Variants in UBE3D observed in about 807,000 individuals in gnomAD.
The protein encoded by UBE3D is E3 ubiquitin-protein ligase E3D.
Under a neutral mutation model 49.6 loss-of-function variants are expected in UBE3D, and 48 were observed. The observed-to-expected ratio is 0.97, with a 90% CI of 0.77 to 1.23. The LOEUF (loss-of-function observed/expected upper bound fraction) is 1.23. UBE3D is among the 50% of genes most tolerant of loss of function. The pLI, the probability that UBE3D is intolerant of heterozygous loss-of-function variation, is 0.00. For missense variants in UBE3D, 452 were observed against 468.4 expected, an observed-to-expected ratio of 0.96 and a Z score of 0.32; for synonymous variants, 189 against 174.2, an observed-to-expected ratio of 1.08 and a Z score of -0.67.
At chr6:82,921,898 T>C (rs1195341387) in intron 9 of UBE3D, among the ~76,000 whole-genome samples, 3 of 152,124 alleles carry the variant, frequency 2.0e-5, no homozygotes, top group Admixed American at 6.6e-5. Context: ...GAAGAATATA[T>C]AATATGTATA....
At chr6:82,894,279 ACTTT>A (rs1449765945) in intron 9 of UBE3D, among the ~76,000 whole-genome samples, 2 of 151,986 alleles carry the variant, frequency 1.3e-5, no homozygotes, top group Admixed American at 6.6e-5. Context: ...CAACCACCTG[ACTTT>A]CTTATCATAC....
At chr6:82,917,206 C>G (rs1490004025) in intron 9 of UBE3D, among the ~76,000 whole-genome samples, 1 of 151,932 alleles carries the variant, frequency 6.6e-6, no homozygotes, top group South Asian at 2.1e-4. Context: ...AGGAGCTCAA[C>G]TGGGAAGAAA....
intron 1 of UBE3D, among the ~76,000 whole-genome samples, chr6:83,059,368 A>T (rs1784020204): frequency 6.6e-6 from 1 of 152,220 alleles, no homozygotes; most frequent in African/African-American, 2.4e-5. Flanking sequence ...TGGGCGACAG[A>T]TCAAGAACCT....
intron 8 of UBE3D, among the ~76,000 whole-genome samples, chr6:82,975,515 C>T (rs1777652069): frequency 6.6e-6 from 1 of 151,988 alleles, no homozygotes; most frequent in East Asian, 1.9e-4. Flanking sequence ...TCAATTTTTT[C>T]TTGTATTGTT....
intron 9 of UBE3D, among the ~76,000 whole-genome samples, chr6:82,941,616 C>A (rs1775019749): frequency 6.6e-6 from 1 of 152,090 alleles, no homozygotes; most frequent in South Asian, 2.1e-4. Context: ...TGTCCCCACC[C>A]AAATCTCCCT....
chr6:82,995,084 T>C (rs1779145035), intron 8 of UBE3D, among the ~76,000 whole-genome samples: 1 of 151,714 alleles, frequency 6.6e-6, no homozygotes, highest in South Asian at 2.1e-4. Context: ...CAGGAAAAAG[T>C]ATAAATGAGA....
At chr6:83,001,740 A>T (rs541095785) in intron 8 of UBE3D, among the ~76,000 whole-genome samples, 1 of 152,330 alleles carries the variant, frequency 6.6e-6, no homozygotes, top group African/African-American at 2.4e-5. Context: ...TATTCAAAAA[A>T]TAGCAGCTCT....
chr6:82,960,024 C>A (rs1308717302), intron 8 of UBE3D, among the ~76,000 whole-genome samples: 1 of 152,130 alleles, frequency 6.6e-6, no homozygotes, highest in Non-Finnish European at 1.5e-5. Flanking sequence ...ATCATCTTGG[C>A]AATTTCATTC....
chr6:83,051,509 G>A (rs543859917), intron 3 of UBE3D, among the ~76,000 whole-genome samples: 26 of 152,254 alleles, frequency 1.7e-4, no homozygotes, highest in African/African-American at 2.4e-4. Context: ...AGCAGAACCC[G>A]GAAATACTGT....
At chr6:82,954,012 A>G (rs909185057) in intron 9 of UBE3D, among the ~76,000 whole-genome samples, 2 of 152,190 alleles carry the variant, frequency 1.3e-5, no homozygotes, top group African/African-American at 2.4e-5. Context: ...CCAGCTCGTG[A>G]TAAGGACAGG....
intron 9 of UBE3D, among the ~76,000 whole-genome samples, chr6:82,943,256 C>T (rs1775148324): frequency 6.6e-6 from 1 of 152,014 alleles, no homozygotes; most frequent in Non-Finnish European, 1.5e-5. Flanking sequence ...AACTGACTTG[C>T]TTTTTTTTAG....
intron 3 of UBE3D, 144 bp from the exon 4 acceptor site, chr6:83,044,803 T>C: frequency 5.9e-6 from 4 of 680,924 alleles, no homozygotes; most frequent in Non-Finnish European, 1.0e-5. Flanking sequence ...AAGTAATATA[T>C]ACTCACTACA....
At chr6:82,933,575 GT>G (rs2127747331) in intron 9 of UBE3D, among the ~76,000 whole-genome samples, 1 of 152,260 alleles carries the variant, frequency 6.6e-6, no homozygotes, top group South Asian at 2.1e-4. Flanking sequence ...GACTCCATAG[GT>G]AGAGTGTAGT....
intron 4 of UBE3D, 72 bp downstream of exon 4, chr6:83,044,356 T>A: frequency 6.9e-7 from 1 of 1,439,470 alleles, no homozygotes; most frequent in Non-Finnish European, 9.6e-7. Context: ...AGCCCTTAAT[T>A]AGGAAAAGAT....
chr6:83,003,087 TAAAA>T (rs1236638170), intron 8 of UBE3D, among the ~76,000 whole-genome samples: 2 of 152,010 alleles, frequency 1.3e-5, no homozygotes, highest in Non-Finnish European at 2.9e-5. Context: ...CAGGAGGTAA[TAAAA>T]AAGAGAAAAA....
chr6:83,065,465 G>T (rs1373030001), intron 1 of UBE3D, among the ~76,000 whole-genome samples, 177 bp downstream of exon 1: 1 of 152,154 alleles, frequency 6.6e-6, no homozygotes, highest in Non-Finnish European at 1.5e-5. Flanking sequence ...CTGTCAGTAG[G>T]GGTGGGAGTG....
At chr6:82,957,066 C>T (rs1415304442) in intron 9 of UBE3D, among the ~76,000 whole-genome samples, 1 of 151,962 alleles carries the variant, frequency 6.6e-6, no homozygotes, top group African/African-American at 2.4e-5. Context: ...GAGGCGGAGG[C>T]TGCTGTGAGC....
intron 8 of UBE3D, among the ~76,000 whole-genome samples, chr6:82,964,664 A>C (rs910033163): frequency 1.3e-5 from 2 of 152,200 alleles, no homozygotes; most frequent in African/African-American, 4.8e-5. Flanking sequence ...TAGCAAAACA[A>C]GCAAATTGCA....
At chr6:82,899,587 G>C (rs1239017280) in intron 9 of UBE3D, among the ~76,000 whole-genome samples, 1 of 152,206 alleles carries the variant, frequency 6.6e-6, no homozygotes, top group African/African-American at 2.4e-5. Flanking sequence ...AGTACTTTAA[G>C]AGATGTGTAT....
Sources: allele counts gnomAD v4.1 joint callset (sites outside exome capture counted in the v4.1 genomes callset), GRCh38; gene constraint gnomAD v4.1.1; transcripts MANE v1.5; gene names NCBI Gene and HGNC (gene_info 2026-07-23, HGNC 2026-07-21).